TRIM44: variants seen among roughly 807,000 people sequenced by gnomAD.
The protein encoded by TRIM44 is tripartite motif-containing protein 44.
In TRIM44, 13 loss-of-function variants were observed where a neutral mutation model predicts 37.4. The observed-to-expected ratio is 0.35, with a 90% confidence interval of 0.23 to 0.55. The LOEUF (loss-of-function observed/expected upper bound fraction) is 0.55. Ranked by LOEUF, TRIM44 falls within the 20% of genes least tolerant of loss-of-function variation. The probability of loss-of-function intolerance (pLI) is 0.89; values close to 1 mark genes in which losing one functional copy is unlikely to be tolerated. For missense variants in TRIM44, 426 were observed against 437.2 expected, an observed-to-expected ratio of 0.97 and a Z score of 0.23; for synonymous variants, 175 against 157.2, an observed-to-expected ratio of 1.11 and a Z score of -0.85.
chr11:35,769,545 A>G (rs577326951), intron 4 of TRIM44, among the ~76,000 whole-genome samples: 1 of 152,332 alleles, frequency 6.6e-6, no homozygotes, highest in Non-Finnish European at 1.5e-5. Context: ...GGGATTTGGT[A>G]TCAGAAAGAC....
Position 35,810,522 on chromosome 11 carries a change from A to G in TRIM44, c.*4137A>G, listed in dbSNP as rs1215681383. 6.6e-6 allele frequency: 1 copy of G among 152,196 alleles called. No individual in the cohort carries two copies. Among genetic ancestry groups the G allele is most frequent in the Non-Finnish European group, 1.5e-5 (1 of 68,032 alleles). The allele number at this position is 152,196 out of a possible 1,614,324, so 9.4% of individuals were successfully genotyped here. On this transcript the variant is annotated 3_prime_UTR_variant, in exon 5 of 5. Coordinates refer to ENST00000299413, the MANE Select transcript of TRIM44 (RefSeq NM_017583.6). ...CCTACCCTGTCCCATTCCAGAAACC[A>G]TAAGACTCAGGCAGTTCTTGATTCT... is the stretch of plus-strand genomic sequence containing the variant.
At chr11:35,722,227 T>G (rs1449318667) in intron 2 of TRIM44, among the ~76,000 whole-genome samples, 2 of 152,054 alleles carry the variant, frequency 1.3e-5, no homozygotes, top group Admixed American at 6.5e-5. Flanking sequence ...ATATTTAGAG[T>G]CTTCAAACTC....
chr11:35,802,415 G>A lies in TRIM44; in HGVS notation c.1008-3943G>A, dbSNP rs564389154. On this transcript the variant is annotated intron_variant, in intron 4 of 4. Coordinates refer to ENST00000299413, the MANE Select transcript of TRIM44 (RefSeq NM_017583.6). ...GGGTGAGTGAGAGTAGCATTTCTGC[G>A]GAAGTGTGGGAGTATGGTGATCTGT... Among the ~76,000 whole-genome samples, 10 of 152,232 alleles carry A rather than the reference G, an allele frequency of 6.6e-5. No homozygotes were observed. The South Asian group carries it at 1.2e-3, about 19-fold the overall frequency.
chr11:35,771,512 T>G (rs1852869816), intron 4 of TRIM44, among the ~76,000 whole-genome samples: 1 of 152,098 alleles, frequency 6.6e-6, no homozygotes. Context: ...GATTATGAGG[T>G]CAGGAGTTGG....
At chr11:35,734,199 T>G (rs1279687398) in intron 3 of TRIM44, among the ~76,000 whole-genome samples, 1 of 152,188 alleles carries the variant, frequency 6.6e-6, no homozygotes, top group Non-Finnish European at 1.5e-5. Context: ...TATATATATA[T>G]AGTAGCTTCT....
At chr11:35,763,645 A>G (rs1308617073) in intron 4 of TRIM44, among the ~76,000 whole-genome samples, 1 of 152,212 alleles carries the variant, frequency 6.6e-6, no homozygotes, top group African/African-American at 2.4e-5. Context: ...CTGGAAGACC[A>G]CACACTACTG....
chr11:35,670,885 G>T (rs1458864437), intron 1 of TRIM44, among the ~76,000 whole-genome samples: 1 of 152,238 alleles, frequency 6.6e-6, no homozygotes, highest in Admixed American at 6.5e-5. Flanking sequence ...TAGCTAGGGT[G>T]AGAAGCTGCT....
At position 35,663,455 on chromosome 11, in the gene TRIM44, AAG is replaced by A. The variant is rs1435513284; in HGVS notation, c.349_350del (p.Ser117Ter). On this transcript the variant is annotated frameshift_variant, in exon 1 of 5. Coordinates refer to ENST00000299413, the MANE Select transcript of TRIM44 (RefSeq NM_017583.6). LOFTEE classifies it high-confidence loss of function. ...TCAGAGGAAGAGAGCGAGACAGAGG[AAG>A]AGAGTGAGGATGAGAGCGATGAGGA... 2 of 1,565,636 alleles carry A rather than the reference AAG, an allele frequency of 1.3e-6. No homozygotes were observed. The highest frequency in any genetic ancestry group is 1.2e-5 in the South Asian group (1 of 86,208).
intron 1 of TRIM44, among the ~76,000 whole-genome samples, chr11:35,670,237 G>C (rs113169925): frequency 7.9e-5 from 12 of 152,340 alleles, no homozygotes; most frequent in African/African-American, 2.9e-4. Context: ...CTTGGGCTCA[G>C]TATATGTTCT....
intron 4 of TRIM44, among the ~76,000 whole-genome samples, chr11:35,738,757 G>T (rs146005284): frequency 6.6e-6 from 1 of 152,058 alleles, no homozygotes; most frequent in East Asian, 1.9e-4. Context: ...TATAAGGAAC[G>T]CAGAAAGGAA....
At chr11:35,750,467 A>G (rs1287343672) in intron 4 of TRIM44, among the ~76,000 whole-genome samples, 4 of 152,202 alleles carry the variant, frequency 2.6e-5, no homozygotes, top group African/African-American at 9.7e-5. Context: ...ATGGTCCAGT[A>G]AGTTTCCAAA....
chr11:35,680,018 T>C (rs1038124761), intron 1 of TRIM44, among the ~76,000 whole-genome samples: 1 of 152,214 alleles, frequency 6.6e-6, no homozygotes, highest in African/African-American at 2.4e-5. Flanking sequence ...GCTAATGTCA[T>C]GTACAGCCCA....
intron 1 of TRIM44, among the ~76,000 whole-genome samples, chr11:35,681,364 A>G (rs543815547): frequency 6.6e-6 from 1 of 152,304 alleles, no homozygotes; most frequent in African/African-American, 2.4e-5. Flanking sequence ...TGGTTTTATT[A>G]TGACTCATCC....
intron 4 of TRIM44, among the ~76,000 whole-genome samples, chr11:35,741,632 A>G (rs888730877): frequency 5.9e-5 from 9 of 152,296 alleles, no homozygotes; most frequent in African/African-American, 2.2e-4. Context: ...AACTCTAATC[A>G]ATTTGTTTGC....
chr11:35,756,019 T>TA (rs1416693463), intron 4 of TRIM44, among the ~76,000 whole-genome samples: 1 of 152,024 alleles, frequency 6.6e-6, no homozygotes, highest in Non-Finnish European at 1.5e-5. Flanking sequence ...AACTTTAAAG[T>TA]AGTTTTTTCC....
intron 1 of TRIM44, among the ~76,000 whole-genome samples, chr11:35,668,371 C>T (rs544304038): frequency 3.7e-4 from 57 of 152,310 alleles, no homozygotes; most frequent in Non-Finnish European, 6.8e-4. Context: ...CCTCCCACCC[C>T]CTATCCACTG....
chr11:35,675,960 G>A (rs147210649), intron 1 of TRIM44, among the ~76,000 whole-genome samples: 72 of 152,274 alleles, frequency 4.7e-4, no homozygotes, highest in South Asian at 3.7e-3. Flanking sequence ...AGGCCACAGC[G>A]TGTGCAGCTA....
At chr11:35,757,296 G>A (rs1234737218) in intron 4 of TRIM44, among the ~76,000 whole-genome samples, 1 of 152,212 alleles carries the variant, frequency 6.6e-6, no homozygotes, top group East Asian at 1.9e-4. Context: ...GCGTAGAGGT[G>A]TTTATAGTAT....
intron 1 of TRIM44, among the ~76,000 whole-genome samples, chr11:35,667,068 A>T (rs1851340643): frequency 6.6e-6 from 1 of 152,212 alleles, no homozygotes; most frequent in South Asian, 2.1e-4. Context: ...TCTAGCAGTA[A>T]TTGATAACAT....
Sources: allele counts gnomAD v4.1 joint callset (sites outside exome capture counted in the v4.1 genomes callset), GRCh38; gene constraint gnomAD v4.1.1; transcripts MANE v1.5; gene names NCBI Gene and HGNC (gene_info 2026-07-23, HGNC 2026-07-21).